Variants in LENG8 observed in about 807,000 individuals in gnomAD.
The protein encoded by LENG8 is leukocyte receptor cluster (LRC) member 8.
Under a neutral mutation model 102.1 loss-of-function variants are expected in LENG8, and 28 were observed. The ratio of observed to expected loss-of-function variants is 0.27; its 90% CI spans 0.20 to 0.38. The LOEUF is 0.38. LENG8 is among the 10% of genes least tolerant of loss of function. LENG8 has a pLI of 1.00. For missense variants in LENG8, 1,022 were observed against 1,113.9 expected (o/e 0.92, Z 1.17); for synonymous variants, 531 against 456.7 (o/e 1.16, Z -2.07).
At position 54,455,866 on chromosome 19, in the gene LENG8, C is replaced by T. The variant is rs956915003; in HGVS notation, c.1026-101C>T. 4.5e-6 allele frequency: 6 copies of T among 1,332,282 alleles called. No individual in the cohort carries two copies. In the African/African-American group the frequency reaches 5.9e-5, roughly 13 times the overall value. The allele number at this position is 1,332,282 out of a possible 1,614,324, so 82.5% of individuals were successfully genotyped here. On this transcript the variant is annotated intron_variant, in intron 8 of 15. Transcript: ENST00000326764. ...TAGCTGAGCCGCCTGGGGTAAGTGC[C>T]TTTCCTTTCGGAGGCGGGTCGGTAC...
Position 54,461,128 on chromosome 19 carries a change from G to C in LENG8, c.*200G>C. The C allele has an allele frequency of 1.2e-6, 1 of 830,978 alleles. No individual in the cohort carries two copies. The highest frequency in any genetic ancestry group is 2.0e-6 in the Non-Finnish European group (1 of 510,278). The allele number at this position is 830,978 out of a possible 1,614,324, so 51.5% of individuals were successfully genotyped here. On this transcript the variant is annotated 3_prime_UTR_variant, in exon 16 of 16. Coordinates refer to ENST00000326764, the MANE Select transcript of LENG8 (RefSeq NM_052925.4). Reference sequence around the variant, plus strand: ...TACGTTTTTATTTTTTGCCTCAGAGGGATGGGATTGGGGAGGAGGGGATGG... The same window carrying C: ...TACGTTTTTATTTTTTGCCTCAGAGCGATGGGATTGGGGAGGAGGGGATGG...
Position 54,461,515 on chromosome 19 carries a change from CCGCCGCCACACCGCACTGAGGACA to C in LENG8, c.*593_*616del. The C allele has an allele frequency of 2.1e-6, 1 of 470,360 alleles. No homozygotes were observed. Among genetic ancestry groups the C allele is most frequent in the South Asian group, 1.6e-5 (1 of 64,498 alleles). 29.1% of individuals were successfully genotyped at this position (470,360 alleles called of 1,614,324 possible). Reference sequence around the variant, plus strand: ...GCCAGCACCACCAGCACCAGATCCTCCGCCGCCACACCGCACTGAGGACACGCCGGCCGGGCCGCCTCGTCTCAA... The same window carrying C: ...GCCAGCACCACCAGCACCAGATCCTCCGCCGGCCGGGCCGCCTCGTCTCAA... On this transcript the variant is annotated 3_prime_UTR_variant, in exon 16 of 16. Coordinates refer to ENST00000326764, the MANE Select transcript of LENG8 (RefSeq NM_052925.4).
intron 15 of LENG8, 199 bp from the exon 16 acceptor site, chr19:54,460,567 A>G: frequency 1.4e-6 from 2 of 1,409,378 alleles, no homozygotes; most frequent in South Asian, 3.1e-5. Context: ...AGGGGGGCAC[A>G]GGGGACTGGG....
intron 15 of LENG8, chr19:54,460,502 C>A: frequency 7.3e-7 from 1 of 1,369,492 alleles, no homozygotes; most frequent in Non-Finnish European, 9.4e-7. Context: ...GCCCGCTGGG[C>A]CCTTCCCTGC....
At chr19:54,459,987 T>C (rs554405911) in intron 15 of LENG8, 2 of 1,236,858 alleles carry the variant, frequency 1.6e-6, no homozygotes, top group East Asian at 1.1e-4. Flanking sequence ...AACATAGCCA[T>C]GAGTGCCCCT....
In LENG8 at chr19:54,455,106, C is replaced by G. The variant is rs775848332; in HGVS notation, c.821+14C>G. ...TCAGAACCACAGGTGACGTCTGCCCCCTTGCCCCGTCGCAGCCCCACACTC... is the reference window on the plus strand; with the variant it reads ...TCAGAACCACAGGTGACGTCTGCCCGCTTGCCCCGTCGCAGCCCCACACTC... On this transcript the variant is annotated intron_variant, in intron 7 of 15. Transcript: ENST00000326764. 1.9e-6 allele frequency: 3 copies of G among 1,613,982 alleles called. No individual in the cohort carries two copies. The South Asian group carries it at 3.3e-5, about 18-fold the overall frequency.
At chr19:54,453,476 T>A in intron 4 of LENG8, 70 bp from the exon 5 acceptor site, 2 of 983,444 alleles carry the variant, frequency 2.0e-6, no homozygotes, top group Non-Finnish European at 3.2e-6. Context: ...GCTGGTGTAG[T>A]TCCTGAGCAG....
intron 15 of LENG8, chr19:54,459,707 G>A: frequency 9.7e-7 from 1 of 1,028,984 alleles, no homozygotes; most frequent in Non-Finnish European, 1.2e-6. Context: ...GAGGTTTGGA[G>A]ACTCATTCTG....
rs1420019821 is a variant in LENG8 at position 54,461,411 on chromosome 19, C to T, written c.*483C>T. 1 of 458,356 alleles carries T rather than the reference C, an allele frequency of 2.2e-6. No homozygotes were observed. The highest frequency in any genetic ancestry group is 4.4e-6 in the Non-Finnish European group (1 of 227,592). The allele number at this position is 458,356 out of a possible 1,614,324, so 28.4% of individuals were successfully genotyped here. ...CTGCTTCGCCACAGACTCTTGTTCC[C>T]AGCCCCTTGGGGCCTCCGTGTTTGG... is the stretch of plus-strand genomic sequence containing the variant. On this transcript the variant is annotated 3_prime_UTR_variant, in exon 16 of 16. Transcript: ENST00000326764.
intron 2 of LENG8, among the ~76,000 whole-genome samples, chr19:54,451,699 C>T (rs963596055): frequency 9.9e-5 from 15 of 152,182 alleles, no homozygotes; most frequent in African/African-American, 3.4e-4. Flanking sequence ...TGTTTTTCTG[C>T]TGATTCCTTA....
chr19:54,456,523 C>A, intron 10 of LENG8, 58 bp downstream of exon 10: 1 of 1,548,846 alleles, frequency 6.5e-7, no homozygotes, highest in East Asian at 2.3e-5. Flanking sequence ...ACTGGGGACC[C>A]ATGGGAGAAG....
intron 6 of LENG8, 91 bp from the exon 7 acceptor site, chr19:54,454,860 C>A: frequency 6.5e-7 from 1 of 1,543,700 alleles, no homozygotes; most frequent in Non-Finnish European, 8.8e-7. Flanking sequence ...AACCTGAGCG[C>A]TCCTCCCTGC....
intron 5 of LENG8, 87 bp downstream of exon 5, chr19:54,453,743 C>T: frequency 2.2e-6 from 2 of 893,286 alleles, no homozygotes; most frequent in Non-Finnish European, 3.5e-6. Flanking sequence ...ATGGCTTGTA[C>T]TCCTTAAGCT....
Position 54,457,548 on chromosome 19 carries a change from C to T in LENG8, c.1732-199C>T. Among the ~76,000 whole-genome samples the T allele has an allele frequency of 1.3e-5, 2 of 151,960 alleles. 1 individual carries two copies. Among genetic ancestry groups the T allele is most frequent in the East Asian group, 3.9e-4 (2 of 5,184 alleles). On this transcript the variant is annotated intron_variant, in intron 11 of 15. Coordinates refer to ENST00000326764, the MANE Select transcript of LENG8 (RefSeq NM_052925.4). The stretch of plus-strand genomic sequence containing the variant: ...TAGAGACGGGGTTTCACCATGTTGG[C>T]CAGGTTGGTCTCAAACTCCTGACCT...
intron 7 of LENG8, 47 bp from the exon 8 acceptor site, chr19:54,455,317 G>T (rs1569295985): frequency 6.2e-7 from 1 of 1,600,308 alleles, no homozygotes; most frequent in Non-Finnish European, 8.6e-7. Context: ...ATGGTCTTTT[G>T]AGTTTGGGAT....
chr19:54,461,191 T>A lies in LENG8; in HGVS notation c.*263T>A. 1.5e-6 allele frequency: 1 copy of A among 677,212 alleles called. No homozygotes were observed. Among genetic ancestry groups the A allele is most frequent in the Non-Finnish European group, 2.7e-6 (1 of 369,280 alleles). The allele number at this position is 677,212 out of a possible 1,614,324, so 42.0% of individuals were successfully genotyped here. A position where few individuals can be genotyped will look rare whatever the true frequency, so the allele number is the denominator to read the frequency against. ...TGGGGGCATGGTCTGCAGGCTCATC[T>A]GTGTCCGCCTTTCACTCCACTAATG... On this transcript the variant is annotated 3_prime_UTR_variant, in exon 16 of 16. Coordinates refer to ENST00000326764, the MANE Select transcript of LENG8 (RefSeq NM_052925.4).
chr19:54,460,043 CT>C (rs1483533067), intron 15 of LENG8: 2 of 1,285,542 alleles, frequency 1.6e-6, no homozygotes, highest in Non-Finnish European at 2.0e-6. Context: ...GTGTCAGCAC[CT>C]TCCCCCCAAG....
chr19:54,452,605 C>T, intron 3 of LENG8, 46 bp from the exon 4 acceptor site: 1 of 1,489,254 alleles, frequency 6.7e-7, no homozygotes, highest in African/African-American at 1.4e-5. Flanking sequence ...GGCCGTGTGC[C>T]TGTGGATTTG....
At position 54,455,587 on chromosome 19, in the gene LENG8, A is replaced by G. The variant is rs757754399; in HGVS notation, c.1025+20A>G. The G allele has an allele frequency of 6.3e-6, 10 of 1,594,056 alleles. No individual in the cohort carries two copies. The Admixed American group carries it at 6.9e-5, about 11-fold the overall frequency. On this transcript the variant is annotated intron_variant, in intron 8 of 15. Coordinates refer to ENST00000326764, the MANE Select transcript of LENG8 (RefSeq NM_052925.4). ...GCCGGGGTTAGTCTGGGTGGGGGACATAGGTGGGAGGGTGGTGCTGTGAGA... is the reference window on the plus strand; with the variant it reads ...GCCGGGGTTAGTCTGGGTGGGGGACGTAGGTGGGAGGGTGGTGCTGTGAGA...
Sources: gnomAD v4.1 joint callset for allele counts (sites outside exome capture counted in the v4.1 genomes callset) on GRCh38, gnomAD v4.1.1 for gene constraint, MANE v1.5 for transcripts, NCBI Gene and HGNC (gene_info 2026-07-23, HGNC 2026-07-21) for gene names.